The following ENTREP2 variants were observed in gnomAD, a reference collection of about 807,000 sequenced individuals.
The protein encoded by ENTREP2 is protein ENTREP2.
At chr15:29,563,853 A>AAATAAATAAATC in the ENTREP2 span, among the ~76,000 whole-genome samples, 1 of 151,698 alleles carries the variant, frequency 6.6e-6, no homozygotes, top group Non-Finnish European at 1.5e-5. Flanking sequence ...AAAAATAAAT[A>AAATAAATAAATC]AATAAATAAA....
chr15:29,192,756 T>C, the ENTREP2 span, among the ~76,000 whole-genome samples: 78 of 152,088 alleles, frequency 5.1e-4, no homozygotes, highest in African/African-American at 1.8e-3. Context: ...CTGGACACAG[T>C]TGAGGAAAAA....
chr15:29,237,731 C>T, the ENTREP2 span, among the ~76,000 whole-genome samples: 4 of 152,150 alleles, frequency 2.6e-5, no homozygotes, highest in African/African-American at 7.2e-5. Context: ...GGTGCAGCTG[C>T]TCCGTAAAAT....
the ENTREP2 span, among the ~76,000 whole-genome samples, chr15:29,463,909 C>T: frequency 6.6e-6 from 1 of 152,164 alleles, no homozygotes; most frequent in Non-Finnish European, 1.5e-5. Flanking sequence ...CATGCTCCAA[C>T]ACGGATAAAC....
chr15:29,570,484 C>G, the ENTREP2 span: 1 of 1,287,534 alleles, frequency 7.8e-7, no homozygotes, highest in Non-Finnish European at 9.9e-7. Flanking sequence ...AGCCCGTCCC[C>G]GCCTGGTCGC....
chr15:29,639,342 C>T, the ENTREP2 span, among the ~76,000 whole-genome samples: 1 of 152,122 alleles, frequency 6.6e-6, no homozygotes, highest in Non-Finnish European at 1.5e-5. Flanking sequence ...AATTATCTGT[C>T]GGTTTGTCTC....
chr15:29,647,166 T>C, the ENTREP2 span, among the ~76,000 whole-genome samples: 1 of 152,230 alleles, frequency 6.6e-6, no homozygotes, highest in Non-Finnish European at 1.5e-5. Context: ...TTACTCTGGC[T>C]GGTACATTGC....
chr15:29,516,710 CAT>C, the ENTREP2 span, among the ~76,000 whole-genome samples: 1 of 152,002 alleles, frequency 6.6e-6, no homozygotes, highest in African/African-American at 2.4e-5. Flanking sequence ...GCTGTAGCTC[CAT>C]GTTATGAACA....
chr15:29,498,306 ATAC>A, the ENTREP2 span, among the ~76,000 whole-genome samples: 2 of 152,178 alleles, frequency 1.3e-5, no homozygotes, highest in East Asian at 3.8e-4. Flanking sequence ...ATGGACTGAT[ATAC>A]CCAAAGTTTT....
chr15:29,371,034 A>G, the ENTREP2 span, among the ~76,000 whole-genome samples: 1,317 of 152,118 alleles, frequency 8.7e-3, 18 homozygotes, highest in African/African-American at 0.03. Flanking sequence ...CGTTGTCATC[A>G]TCATCATCAT....
At chr15:29,479,481 G>A in the ENTREP2 span, among the ~76,000 whole-genome samples, 1 of 151,934 alleles carries the variant, frequency 6.6e-6, no homozygotes, top group African/African-American at 2.4e-5. Context: ...GCAGCACATC[G>A]CAATCAGCAC....
At chr15:29,480,991 C>A in the ENTREP2 span, among the ~76,000 whole-genome samples, 2 of 152,124 alleles carry the variant, frequency 1.3e-5, no homozygotes, top group African/African-American at 4.8e-5. Context: ...GAGGGAAAGT[C>A]CCTAGACCAT....
At chr15:29,642,447 T>C in the ENTREP2 span, among the ~76,000 whole-genome samples, 1 of 148,858 alleles carries the variant, frequency 6.7e-6, no homozygotes, top group African/African-American at 2.5e-5. Flanking sequence ...TATACATATA[T>C]ATATACACAC....
chr15:29,578,486 C>T, the ENTREP2 span, among the ~76,000 whole-genome samples: 1 of 152,056 alleles, frequency 6.6e-6, no homozygotes, highest in Non-Finnish European at 1.5e-5. Flanking sequence ...TGTCTTTGTT[C>T]GTTAGGTTTA....
the ENTREP2 span, among the ~76,000 whole-genome samples, chr15:29,411,615 G>C: frequency 6.6e-6 from 1 of 152,182 alleles, no homozygotes; most frequent in African/African-American, 2.4e-5. Context: ...TCTCCTTCCA[G>C]TTGTGTTTTT....
the ENTREP2 span, among the ~76,000 whole-genome samples, chr15:29,386,706 G>A: frequency 2.0e-5 from 3 of 152,080 alleles, no homozygotes; most frequent in South Asian, 4.2e-4. Context: ...TGAGGATGAC[G>A]CCTTCACAAT....
chr15:29,126,128 C>G, the ENTREP2 span: 17 of 681,370 alleles, frequency 2.5e-5, no homozygotes, highest in Middle Eastern at 4.2e-4. Flanking sequence ...GGCTCAGGGG[C>G]CATCAAGACC....
chr15:29,596,933 G>A, the ENTREP2 span, among the ~76,000 whole-genome samples: 3 of 152,086 alleles, frequency 2.0e-5, no homozygotes, highest in African/African-American at 7.2e-5. Context: ...GCCTCCCAAA[G>A]TGCTGGGATT....
the ENTREP2 span, among the ~76,000 whole-genome samples, chr15:29,575,875 C>A: frequency 1.3e-5 from 2 of 152,162 alleles, no homozygotes; most frequent in Admixed American, 6.5e-5. Flanking sequence ...TTGCTATGTT[C>A]ATGCATAGAA....
the ENTREP2 span, among the ~76,000 whole-genome samples, chr15:29,627,679 T>C: frequency 6.6e-6 from 1 of 152,192 alleles, no homozygotes; most frequent in South Asian, 2.1e-4. Flanking sequence ...GTAACCTCTA[T>C]TCTACTGTCT....
Sources: gnomAD v4.1 joint callset for allele counts (sites outside exome capture counted in the v4.1 genomes callset) on GRCh38, gnomAD v4.1.1 for gene constraint, MANE v1.5 for transcripts, NCBI Gene and HGNC (gene_info 2026-07-23, HGNC 2026-07-21) for gene names.